The following SLC22A14 variants were observed in gnomAD, a reference collection of about 807,000 sequenced individuals.
The protein encoded by SLC22A14 is organic cation transporter-like 4.
Under a neutral mutation model 53.9 loss-of-function variants are expected in SLC22A14, and 50 were observed. That is an observed-to-expected ratio of 0.93 (90% CI 0.74 to 1.17). The LOEUF (loss-of-function observed/expected upper bound fraction) is 1.17. SLC22A14 is among the 50% of genes most tolerant of loss of function. SLC22A14 has a pLI of 0.00. For synonymous variants in SLC22A14, 312 were observed against 303.0 expected (o/e 1.03, Z -0.31); for missense variants, 671 against 734.7 (o/e 0.91, Z 1.00).
chr3:38,300,076 T>A (rs964070356), intron 1 of SLC22A14, among the ~76,000 whole-genome samples: 4 of 152,214 alleles, frequency 2.6e-5, no homozygotes, highest in Non-Finnish European at 5.9e-5. Context: ...CATAGTTTTT[T>A]AAGTGTATCA....
intron 5 of SLC22A14, among the ~76,000 whole-genome samples, chr3:38,309,336 T>G (rs1251816636): frequency 6.6e-6 from 1 of 151,960 alleles, no homozygotes; most frequent in Non-Finnish European, 1.5e-5. Flanking sequence ...AAAGAGATGT[T>G]AGAGAGGTGG....
chr3:38,295,031 AATT>A (rs1171163371), intron 1 of SLC22A14, among the ~76,000 whole-genome samples: 3 of 152,226 alleles, frequency 2.0e-5, no homozygotes, highest in Admixed American at 2.0e-4. Context: ...TGAGCAGACC[AATT>A]ATTAGGCAGT....
chr3:38,301,674 A>G (rs4678599), intron 1 of SLC22A14, among the ~76,000 whole-genome samples: 9,743 of 151,994 alleles, frequency 0.064, 373 homozygotes, highest in East Asian at 0.16. Flanking sequence ...GTATAATGTC[A>G]AATAAGTAAT....
chr3:38,289,499 C>T (rs1458337881), intron 1 of SLC22A14, among the ~76,000 whole-genome samples: 1 of 152,156 alleles, frequency 6.6e-6, no homozygotes, highest in African/African-American at 2.4e-5. Flanking sequence ...CTCTTGTTCT[C>T]TGACCTGGGG....
At chr3:38,279,496 T>C (rs1357934822), upstream of SLC22A14, among the ~76,000 whole-genome samples, 2 of 152,242 alleles carry the variant, frequency 1.3e-5, no homozygotes, top group Admixed American at 1.3e-4. Flanking sequence ...TTGGCCAGGC[T>C]GGTCTCAAAC....
intron 1 of SLC22A14, among the ~76,000 whole-genome samples, chr3:38,282,679 A>C (rs1436039409): frequency 2.0e-5 from 3 of 152,072 alleles, no homozygotes; most frequent in African/African-American, 7.2e-5. Flanking sequence ...CTTTGGGATG[A>C]GTAGAGGGAG....
chr3:38,295,655 A>T (rs1004752516), intron 1 of SLC22A14, among the ~76,000 whole-genome samples: 128 of 151,482 alleles, frequency 8.4e-4, no homozygotes, highest in African/African-American at 3.1e-3. Context: ...GGGTTTTTTT[A>T]ATTTTATTTT....
chr3:38,289,044 G>T (rs1703850993), intron 1 of SLC22A14, among the ~76,000 whole-genome samples: 1 of 151,912 alleles, frequency 6.6e-6, no homozygotes, highest in East Asian at 1.9e-4. Context: ...GCCCTGCATG[G>T]TGGCACACAC....
chr3:38,293,557 G>A lies in SLC22A14; in HGVS notation c.-1+11218G>A, dbSNP rs557491027. On this transcript the variant is annotated intron_variant, in intron 1 of 10. Coordinates refer to ENST00000448498, the MANE Select transcript of SLC22A14 (RefSeq NM_001320033.2). ...TTAAGATTAGTTGGCCTTCAATAGA[G>A]TCAGGTGACAGGGAGGTATGCTTCC... Among the ~76,000 whole-genome samples, 6 of 152,364 alleles carry A rather than the reference G, an allele frequency of 3.9e-5. No individual in the cohort carries two copies. The South Asian group carries it at 1.2e-3, about 32-fold the overall frequency.
chr3:38,306,555 A>G lies in SLC22A14; in HGVS notation c.516+13A>G. ...GCTGATCAATGAGGTATGTCTTGTC[A>G]TGGGTTGTCTGTAACTACCCTACAG... On this transcript the variant is annotated intron_variant, in intron 2 of 10. Transcript: ENST00000448498. 1 of 1,600,268 alleles carries G rather than the reference A, an allele frequency of 6.2e-7. No homozygotes were observed. The highest frequency in any genetic ancestry group is 8.5e-7 in the Non-Finnish European group (1 of 1,171,794).
chr3:38,318,101 G>C (rs1575428137), intron 10 of SLC22A14, 97 bp from the exon 11 acceptor site: 1 of 1,117,352 alleles, frequency 8.9e-7, no homozygotes, highest in East Asian at 2.4e-5. Context: ...CACCTCTTGG[G>C]AACGCAGGGT....
At chr3:38,308,911 A>C (rs751524687) in intron 4 of SLC22A14, 43 bp from the exon 5 acceptor site, 3 of 1,591,994 alleles carry the variant, frequency 1.9e-6, no homozygotes, top group Non-Finnish European at 2.6e-6. Flanking sequence ...AGCCCTGGGG[A>C]CCCTGACGTA....
At chr3:38,312,795 G>A (rs1337125118) in intron 5 of SLC22A14, among the ~76,000 whole-genome samples, 3 of 152,188 alleles carry the variant, frequency 2.0e-5, no homozygotes, top group African/African-American at 7.2e-5. Context: ...CAGCAGTGGA[G>A]GCCATGTGAG....
rs754041866 is a variant in SLC22A14 at position 38,306,146 on chromosome 3, A to T, written c.120A>T (p.Arg40Ser). 62 of 1,614,044 alleles carry T rather than the reference A, an allele frequency of 3.8e-5. 2 individuals carry two copies. The South Asian group carries it at 6.5e-4, about 17-fold the overall frequency. Residue 40 changes from arginine (R) to serine (S), a missense_variant, in exon 2 of 11, where the codon AGA becomes AGT. Transcript: ENST00000448498. ...HSWSLEMLLR[R>S]LRAVHTKQDD... ...GGTCTCTGGAGATGCTGTTACGCAG[A>T]TTGAGGGCTGTCCACACCAAGCAGG...
rs1704356156 is a variant in SLC22A14 at position 38,307,918 on chromosome 3, G to A, written c.775+198G>A. ...GATCCCACAGGACACAGAGTCAGGG[G>A]CCTAATTGGACAGGCAGAAGTGGAA... On this transcript the variant is annotated intron_variant, in intron 4 of 10. Transcript: ENST00000448498. The surrounding 1 kb of genome is among the most constrained non-coding windows in gnomAD (Gnocchi z 4.4). The A allele has an allele frequency of 3.3e-6, 2 of 607,244 alleles. No homozygotes were observed. Among genetic ancestry groups the A allele is most frequent in the African/African-American group, 1.9e-5 (1 of 53,942 alleles). The allele number at this position is 607,244 out of a possible 1,614,324, so 37.6% of individuals were successfully genotyped here.
intron 1 of SLC22A14, among the ~76,000 whole-genome samples, chr3:38,298,831 A>C (rs1704099349): frequency 6.6e-6 from 1 of 152,226 alleles, no homozygotes; most frequent in Non-Finnish European, 1.5e-5. Flanking sequence ...CTGGGATTAC[A>C]GGTGTGAGCC....
At position 38,315,701 on chromosome 3, in the gene SLC22A14, A is replaced by G; in HGVS notation, c.1522A>G (p.Thr508Ala). ...FFLYTAELLP[T>A]VLRATGLGLV... ...CCTCTACACCGCTGAGCTCCTCCCC[A>G]CTGTGCTCAGGTATGGGGTCTGGTG... The change falls in exon 9 of 11, where the codon ACT (threonine) becomes GCT (alanine). Residue 508 changes from threonine (T) to alanine (A), a missense_variant. Physicochemically the swap from Thr to Ala is moderately conservative, Grantham distance 58. Coordinates refer to ENST00000448498, the MANE Select transcript of SLC22A14 (RefSeq NM_001320033.2). The G allele has an allele frequency of 4.3e-6, 7 of 1,613,618 alleles. No homozygotes were observed. The highest frequency in any genetic ancestry group is 5.9e-6 in the Non-Finnish European group (7 of 1,179,910).
chr3:38,317,641 C>T (rs796572407), intron 10 of SLC22A14, among the ~76,000 whole-genome samples: 4 of 152,274 alleles, frequency 2.6e-5, no homozygotes, highest in East Asian at 1.9e-4. Flanking sequence ...GAGAAGTTAC[C>T]TCATACCTCT....
chr3:38,302,998 C>T lies in SLC22A14; in HGVS notation c.1-3029C>T, dbSNP rs548467879. ...ATTTTGTTTTAGAAATTTAATTCACCTAAGTTTTTAAATTCATTGGCATAA... is the reference window on the plus strand; with the variant it reads ...ATTTTGTTTTAGAAATTTAATTCACTTAAGTTTTTAAATTCATTGGCATAA... On this transcript the variant is annotated intron_variant, in intron 1 of 10. Transcript: ENST00000448498. 5.3e-5 allele frequency among the ~76,000 whole-genome samples: 8 copies of T among 152,066 alleles called. No homozygotes were observed. The South Asian group carries it at 1.5e-3, about 28-fold the overall frequency.
Sources: allele counts gnomAD v4.1 joint callset (sites outside exome capture counted in the v4.1 genomes callset), GRCh38; gene constraint gnomAD v4.1.1; non-coding constraint Gnocchi (gnomAD v3.1); transcripts MANE v1.5; gene names NCBI Gene and HGNC (gene_info 2026-07-23, HGNC 2026-07-21).